Variants in SMOC2 observed in about 807,000 individuals in gnomAD.
The protein encoded by SMOC2 is SPARC related modular calcium binding 2.
In SMOC2, 39 loss-of-function variants were observed where a neutral mutation model predicts 61.4. That is an observed-to-expected ratio of 0.64 (90% CI 0.49 to 0.83). The LOEUF (loss-of-function observed/expected upper bound fraction) is 0.83, where lower values mean the gene tolerates loss of function less well. Ranked by LOEUF, SMOC2 falls within the 40% of genes least tolerant of loss-of-function variation. SMOC2 has a pLI of 0.00. For missense variants in SMOC2, 556 were observed against 592.9 expected (o/e 0.94, Z 0.65); for synonymous variants, 247 against 239.9 (o/e 1.03, Z -0.27).
chr6:168,502,188 G>C (rs966034180), intron 1 of SMOC2, among the ~76,000 whole-genome samples: 4 of 152,200 alleles, frequency 2.6e-5, no homozygotes, highest in African/African-American at 9.7e-5. Flanking sequence ...TCTGCTCCAA[G>C]GGCTTCTTGC....
chr6:168,583,543 G>T (rs559671174), intron 7 of SMOC2, among the ~76,000 whole-genome samples: 5 of 151,934 alleles, frequency 3.3e-5, no homozygotes, highest in African/African-American at 9.7e-5. Flanking sequence ...GACTACAGGG[G>T]TGTGGGTCTG....
chr6:168,451,267 A>C (rs535315430), intron 1 of SMOC2, among the ~76,000 whole-genome samples: 2 of 152,312 alleles, frequency 1.3e-5, no homozygotes, highest in Admixed American at 1.3e-4. Context: ...ATGTTACTCT[A>C]AAAGCTTACA....
At chr6:168,604,453 A>G (rs1785635732) in intron 8 of SMOC2, among the ~76,000 whole-genome samples, 1 of 152,132 alleles carries the variant, frequency 6.6e-6, no homozygotes, top group Admixed American at 6.5e-5. Context: ...CAGCTTCACC[A>G]TTCCTCATCT....
intron 1 of SMOC2, among the ~76,000 whole-genome samples, chr6:168,463,349 C>T (rs1441005889): frequency 2.0e-5 from 3 of 152,168 alleles, no homozygotes; most frequent in Admixed American, 2.0e-4. Context: ...GAAGCAGTGT[C>T]GGGAGCTGAG....
chr6:168,599,690 T>A lies in SMOC2; in HGVS notation c.824+686T>A, dbSNP rs548755423. ...CACACTCCCCTACACACTCTCACAC[T>A]CTCACACACACACCCACAGTCACAC... On this transcript the variant is annotated intron_variant, in intron 8 of 12. Coordinates refer to ENST00000356284, the MANE Select transcript of SMOC2 (RefSeq NM_001166412.2). Among the ~76,000 whole-genome samples the A allele has an allele frequency of 7.4e-3, 733 of 98,788 alleles. 9 individuals carry two copies. Among genetic ancestry groups the A allele is most frequent in the African/African-American group, 0.027 (658 of 23,996 alleles). The allele number at this position is 98,788 out of a possible 152,430, so 64.8% of individuals were successfully genotyped here.
intron 1 of SMOC2, among the ~76,000 whole-genome samples, chr6:168,466,927 G>C (rs748677164): frequency 2.0e-5 from 3 of 152,184 alleles, no homozygotes; most frequent in Admixed American, 6.5e-5. Flanking sequence ...TGTGTCTTCC[G>C]TTCCCTTGTC....
At chr6:168,498,154 T>C (rs1452318826) in intron 1 of SMOC2, among the ~76,000 whole-genome samples, 1 of 152,192 alleles carries the variant, frequency 6.6e-6, no homozygotes, top group Non-Finnish European at 1.5e-5. Context: ...TGCCTCTCAG[T>C]GGAAATGATT....
chr6:168,509,625 A>G (rs938520711), intron 1 of SMOC2, among the ~76,000 whole-genome samples: 1 of 152,194 alleles, frequency 6.6e-6, no homozygotes, highest in African/African-American at 2.4e-5. Flanking sequence ...TTAAGCGTTG[A>G]ACTAGGCACA....
At chr6:168,571,036 C>T (rs183384361) in intron 7 of SMOC2, among the ~76,000 whole-genome samples, 101 of 152,256 alleles carry the variant, frequency 6.6e-4, no homozygotes, top group Non-Finnish European at 1.2e-3. Context: ...AGGGTTTCCA[C>T]GACCCTCTTT....
rs1024334113 is a variant in SMOC2, at chr6:168,667,148, A to G, written c.*710A>G. Reference sequence around the variant, plus strand: ...GAATGAGTCCCAGAGAGTCGTTCGGATGGTGGGAGGCTGCCTAGGAGGCAG... The same window carrying G: ...GAATGAGTCCCAGAGAGTCGTTCGGGTGGTGGGAGGCTGCCTAGGAGGCAG... On this transcript the variant is annotated 3_prime_UTR_variant, in exon 13 of 13. Coordinates refer to ENST00000356284, the MANE Select transcript of SMOC2 (RefSeq NM_001166412.2). The G allele has an allele frequency of 2.0e-5, 3 of 152,094 alleles. No homozygotes were observed. The highest frequency in any genetic ancestry group is 4.4e-5 in the Non-Finnish European group (3 of 68,030). 9.4% of individuals were successfully genotyped at this position (152,094 alleles called of 1,614,324 possible). A position where few individuals can be genotyped will look rare whatever the true frequency, so the allele number is the denominator to read the frequency against.
At chr6:168,551,504 C>T (rs189608226) in intron 7 of SMOC2, among the ~76,000 whole-genome samples, 16 of 151,720 alleles carry the variant, frequency 1.1e-4, no homozygotes, top group Admixed American at 2.6e-4. Flanking sequence ...CCCAGGCTGG[C>T]GAGCAGCAGC....
intron 4 of SMOC2, 105 bp from the exon 5 acceptor site, chr6:168,543,520 G>T: frequency 1.0e-6 from 1 of 999,862 alleles, no homozygotes; most frequent in Non-Finnish European, 1.5e-6. Flanking sequence ...GCCGAAGCAC[G>T]GCAAATTAGT....
chr6:168,508,781 C>T (rs770025266), intron 1 of SMOC2, among the ~76,000 whole-genome samples: 17 of 152,248 alleles, frequency 1.1e-4, no homozygotes, highest in South Asian at 2.1e-4. Flanking sequence ...CACATAGCCC[C>T]GCTCACGTGC....
rs139094742 is a variant in SMOC2 at position 168,647,252 on chromosome 6, C to T, written c.908-3429C>T. On this transcript the variant is annotated intron_variant, in intron 9 of 12. Transcript: ENST00000356284. ...AGTTTTGACGCCAACCCTTCCATGA[C>T]GCAGTATTTACAGGGGCCGTTAGAC... 4.1e-4 allele frequency among the ~76,000 whole-genome samples: 63 copies of T among 152,312 alleles called. No homozygotes were observed. In the East Asian group the frequency reaches 9.7e-3, roughly 23 times the overall value.
chr6:168,459,562 G>A (rs1407238915), intron 1 of SMOC2, among the ~76,000 whole-genome samples: 2 of 149,282 alleles, frequency 1.3e-5, no homozygotes, highest in African/African-American at 2.5e-5. Context: ...GCCCTGGGGT[G>A]GGTGAGCCCT....
intron 8 of SMOC2, among the ~76,000 whole-genome samples, chr6:168,607,523 G>C (rs1216405739): frequency 6.6e-6 from 1 of 152,014 alleles, no homozygotes; most frequent in Non-Finnish European, 1.5e-5. Context: ...TTGGATGTCA[G>C]CCCTGTCTGT....
At chr6:168,534,624 T>A (rs922275822) in intron 4 of SMOC2, among the ~76,000 whole-genome samples, 1 of 152,278 alleles carries the variant, frequency 6.6e-6, no homozygotes, top group East Asian at 1.9e-4. Context: ...TATTCTGGTG[T>A]AACTTTTTCT....
chr6:168,637,023 T>C (rs1246056676), intron 9 of SMOC2, among the ~76,000 whole-genome samples: 1 of 150,382 alleles, frequency 6.6e-6, no homozygotes, highest in Non-Finnish European at 1.5e-5. Flanking sequence ...GTCCTCTCTG[T>C]GCATCCACTC....
At chr6:168,531,181 G>T (rs1266016764) in intron 4 of SMOC2, among the ~76,000 whole-genome samples, 1 of 152,138 alleles carries the variant, frequency 6.6e-6, no homozygotes, top group Non-Finnish European at 1.5e-5. Context: ...GCAGGGCCAC[G>T]GTTGCTTGCA....
Sources: gnomAD v4.1 joint callset for allele counts (sites outside exome capture counted in the v4.1 genomes callset) on GRCh38, gnomAD v4.1.1 for gene constraint, MANE v1.5 for transcripts, NCBI Gene and HGNC (gene_info 2026-07-23, HGNC 2026-07-21) for gene names.